Variants in ZPLD1 observed in about 807,000 individuals in gnomAD.
The protein encoded by ZPLD1 is zona pellucida-like domain-containing protein 1.
Under a neutral mutation model 47.2 loss-of-function variants are expected in ZPLD1, and 34 were observed. That is an observed-to-expected ratio of 0.72 (90% CI 0.55 to 0.96). The LOEUF is 0.96. ZPLD1 is among the 40% of genes least tolerant of loss of function. The probability of loss-of-function intolerance (pLI) is 0.00; values close to 1 mark genes in which losing one functional copy is unlikely to be tolerated. For missense variants in ZPLD1, 512 were observed against 505.8 expected, an observed-to-expected ratio of 1.01 and a Z score of -0.12; for synonymous variants, 176 against 186.2, an observed-to-expected ratio of 0.95 and a Z score of 0.45.
chr3:102,446,905 A>T (rs1707263816), intron 3 of ZPLD1, among the ~76,000 whole-genome samples: 1 of 152,336 alleles, frequency 6.6e-6, no homozygotes, highest in East Asian at 1.9e-4. Context: ...AGTCTAGCAC[A>T]GAGACTGGCA....
At chr3:102,434,167 A>G (rs1037721189), upstream of ZPLD1, among the ~76,000 whole-genome samples, 2 of 152,212 alleles carry the variant, frequency 1.3e-5, no homozygotes, top group Non-Finnish European at 2.9e-5. Flanking sequence ...AATTAAATCT[A>G]TGTAATTAGT....
intron 4 of ZPLD1, among the ~76,000 whole-genome samples, chr3:102,455,417 C>T (rs1382795672): frequency 1.3e-5 from 2 of 152,174 alleles, no homozygotes; most frequent in Non-Finnish European, 2.9e-5. Context: ...TTTTACATAA[C>T]TTCTGAAAGT....
At chr3:102,456,543 TTATATCTATCTA>T (rs1274791620) in intron 5 of ZPLD1, among the ~76,000 whole-genome samples, 169 bp downstream of exon 5, 12 of 125,326 alleles carry the variant, frequency 9.6e-5, no homozygotes, top group African/African-American at 3.6e-4. Context: ...TGTTTATCTA[TTATATCTATCTA>T]TCTATCTATC....
chr3:102,457,407 A>C (rs1707434356), intron 5 of ZPLD1, among the ~76,000 whole-genome samples: 1 of 152,178 alleles, frequency 6.6e-6, no homozygotes, highest in African/African-American at 2.4e-5. Context: ...TTTACCATCC[A>C]ATGTTCTAGC....
intron 3 of ZPLD1, among the ~76,000 whole-genome samples, chr3:102,445,063 T>A (rs1576151698): frequency 6.6e-6 from 1 of 152,172 alleles, no homozygotes; most frequent in Admixed American, 6.5e-5. Flanking sequence ...CTGCCAGAAA[T>A]GCTTTTTTAT....
intron 3 of ZPLD1, among the ~76,000 whole-genome samples, chr3:102,450,272 A>G (rs971981767): frequency 2.6e-5 from 4 of 152,198 alleles, no homozygotes; most frequent in Non-Finnish European, 4.4e-5. Flanking sequence ...TACATATAAT[A>G]AGATGTGCCA....
chr3:102,438,433 G>A, intron 2 of ZPLD1, 47 bp from the exon 3 acceptor site: 2 of 1,374,318 alleles, frequency 1.5e-6, no homozygotes. Flanking sequence ...AAGTAGGAGT[G>A]AAGGAGTTAA....
chr3:102,394,791 CA>C (rs1284083063), intron 7 of ZPLD1, among the ~76,000 whole-genome samples: 1 of 152,154 alleles, frequency 6.6e-6, no homozygotes, highest in Non-Finnish European at 1.5e-5. Context: ...GCAAATTTCT[CA>C]GTCCTACAAA....
At chr3:102,415,315 A>T (rs536011094) in intron 7 of ZPLD1, among the ~76,000 whole-genome samples, 48 of 151,992 alleles carry the variant, frequency 3.2e-4, no homozygotes, top group Non-Finnish European at 6.3e-4. Flanking sequence ...AATAAAAGGT[A>T]AAGTGATCTG....
At chr3:102,412,894 T>C (rs751095043) in intron 7 of ZPLD1, among the ~76,000 whole-genome samples, 7 of 151,582 alleles carry the variant, frequency 4.6e-5, no homozygotes, top group Non-Finnish European at 8.9e-5. Context: ...TGTACATGAA[T>C]GGTTAGAAGA....
At chr3:102,466,135 G>T (rs1352309045) in intron 8 of ZPLD1, among the ~76,000 whole-genome samples, 1 of 152,176 alleles carries the variant, frequency 6.6e-6, no homozygotes, top group Non-Finnish European at 1.5e-5. Flanking sequence ...TCTGTCCTTG[G>T]TGGCAAGGCT....
intron 6 of ZPLD1, among the ~76,000 whole-genome samples, chr3:102,461,545 A>G (rs1323992449): frequency 6.6e-6 from 1 of 152,026 alleles, no homozygotes; most frequent in Admixed American, 6.5e-5. Context: ...ACCATATGGC[A>G]TGTATTTTAG....
At chr3:102,431,044 A>G (rs1356256059), upstream of ZPLD1, among the ~76,000 whole-genome samples, 1 of 152,210 alleles carries the variant, frequency 6.6e-6, no homozygotes, top group Non-Finnish European at 1.5e-5. Context: ...TTTTAAAGTG[A>G]CTTAGTTCCA....
chr3:102,399,243 T>C (rs528033806), intron 7 of ZPLD1, among the ~76,000 whole-genome samples: 1 of 152,152 alleles, frequency 6.6e-6, no homozygotes, highest in Non-Finnish European at 1.5e-5. Context: ...ACCATGTATC[T>C]GCTTAAAATA....
In ZPLD1 at chr3:102,451,971, T is replaced by A. The variant is rs550037802; in HGVS notation, c.107-948T>A. 5.9e-5 allele frequency among the ~76,000 whole-genome samples: 9 copies of A among 152,228 alleles called. No homozygotes were observed. In the South Asian group the frequency reaches 1.9e-3, roughly 32 times the overall value. ...CAGCATATCTTTTTTTGGGGGGACA[T>A]AATTCAACCTATAGCAATTACCAAA... On this transcript the variant is annotated intron_variant, in intron 3 of 11. Transcript: ENST00000466937.
At chr3:102,416,390 G>T (rs1375649828) in intron 7 of ZPLD1, among the ~76,000 whole-genome samples, 3 of 151,904 alleles carry the variant, frequency 2.0e-5, no homozygotes, top group African/African-American at 7.2e-5. Flanking sequence ...ATAAATGACA[G>T]AATTTATTAA....
chr3:102,429,138 A>G (rs1706985860), intron 8 of ZPLD1, among the ~76,000 whole-genome samples: 1 of 152,180 alleles, frequency 6.6e-6, no homozygotes, highest in Non-Finnish European at 1.5e-5. Flanking sequence ...TAAGGGCTTA[A>G]TAAATTAGGG....
At chr3:102,387,931 G>A (rs1426348856) in intron 6 of ZPLD1, among the ~76,000 whole-genome samples, 3 of 131,806 alleles carry the variant, frequency 2.3e-5, no homozygotes, top group African/African-American at 8.6e-5. Context: ...TGCGATCTCC[G>A]CTCACTGCAA....
At chr3:102,456,711 G>A (rs554322158) in intron 5 of ZPLD1, among the ~76,000 whole-genome samples, 6 of 152,282 alleles carry the variant, frequency 3.9e-5, no homozygotes, top group African/African-American at 1.4e-4. Flanking sequence ...AGAGCCTTGG[G>A]TGTTTCATGG....
Sources: gnomAD v4.1 joint callset for allele counts (sites outside exome capture counted in the v4.1 genomes callset) on GRCh38, gnomAD v4.1.1 for gene constraint, MANE v1.5 for transcripts, NCBI Gene and HGNC (gene_info 2026-07-23, HGNC 2026-07-21) for gene names.